PRICKLE2: variants seen among roughly 807,000 people sequenced by gnomAD.
PRICKLE2 encodes prickle planar cell polarity protein 2.
A neutral mutation model predicts 81.4 loss-of-function variants in PRICKLE2; 21 were observed. The ratio of observed to expected loss-of-function variants is 0.26; its 90% CI spans 0.18 to 0.37. PRICKLE2 has a LOEUF of 0.37. Among genes scored for constraint, PRICKLE2 ranks in the 10% least tolerant of loss-of-function variants. The probability of loss-of-function intolerance (pLI) is 1.00; values close to 1 mark genes in which losing one functional copy is unlikely to be tolerated. For synonymous variants in PRICKLE2, 456 were observed against 421.5 expected (o/e 1.08, Z -1.00); for missense variants, 940 against 1,109.0 (o/e 0.85, Z 2.16).
intron 2 of PRICKLE2, among the ~76,000 whole-genome samples, chr3:64,258,356 A>G (rs1353287467): frequency 6.6e-6 from 1 of 152,234 alleles, no homozygotes; most frequent in African/African-American, 2.4e-5. Context: ...ATTTTGATCT[A>G]TTTAACAATG....
intron 7 of PRICKLE2, among the ~76,000 whole-genome samples, chr3:64,141,454 T>C (rs1232131220): frequency 6.6e-6 from 1 of 152,246 alleles, no homozygotes; most frequent in Non-Finnish European, 1.5e-5. Context: ...AAACACTCAA[T>C]AATGTCAGTT....
intron 1 of PRICKLE2, among the ~76,000 whole-genome samples, chr3:64,216,963 A>C (rs1348791531): frequency 6.6e-6 from 1 of 152,194 alleles, no homozygotes; most frequent in Non-Finnish European, 1.5e-5. Flanking sequence ...TGATGAACTC[A>C]AAAGCAAGTA....
chr3:64,206,772 A>T (rs1257630565), intron 1 of PRICKLE2, among the ~76,000 whole-genome samples: 1 of 152,268 alleles, frequency 6.6e-6, no homozygotes, highest in Non-Finnish European at 1.5e-5. Flanking sequence ...AGGCAAGGCC[A>T]GAGGTGGGAA....
At chr3:64,249,251 G>A (rs956745184) in intron 2 of PRICKLE2, among the ~76,000 whole-genome samples, 4 of 149,212 alleles carry the variant, frequency 2.7e-5, no homozygotes, top group Admixed American at 2.0e-4. Flanking sequence ...GAAAGAAAGC[G>A]AAGGGGGAGC....
At chr3:64,210,323 C>CA (rs1421979836) in intron 1 of PRICKLE2, among the ~76,000 whole-genome samples, 3 of 152,150 alleles carry the variant, frequency 2.0e-5, no homozygotes, top group African/African-American at 7.2e-5. Flanking sequence ...GGCAAACACT[C>CA]AGTCTGAATG....
chr3:64,116,009 G>A (rs143185954), intron 7 of PRICKLE2, among the ~76,000 whole-genome samples: 8 of 152,090 alleles, frequency 5.3e-5, no homozygotes, highest in African/African-American at 1.9e-4. Context: ...TCAGACCACA[G>A]CACAATCAAA....
chr3:64,120,458 C>T (rs973036732), intron 7 of PRICKLE2, among the ~76,000 whole-genome samples: 10 of 152,222 alleles, frequency 6.6e-5, no homozygotes, highest in African/African-American at 2.4e-4. Flanking sequence ...TGCCCAAGGT[C>T]ATGGGTGAGG....
chr3:64,108,953 G>A (rs1023196247), intron 7 of PRICKLE2, among the ~76,000 whole-genome samples: 3 of 152,182 alleles, frequency 2.0e-5, no homozygotes, highest in East Asian at 1.9e-4. Context: ...CTCTGGTTGT[G>A]ACAGCCCCGA....
chr3:64,153,055 C>A (rs954104754), intron 6 of PRICKLE2, 127 bp downstream of exon 6: 2 of 936,598 alleles, frequency 2.1e-6, no homozygotes. Flanking sequence ...TCAAGAAATT[C>A]CCTTTTTCAG....
At chr3:64,265,473 GTGAC>G (rs1475099400) in intron 2 of PRICKLE2, among the ~76,000 whole-genome samples, 1 of 152,176 alleles carries the variant, frequency 6.6e-6, no homozygotes, top group Non-Finnish European at 1.5e-5. Flanking sequence ...AGTGCTTAAT[GTGAC>G]TGAGTACTTT....
At chr3:64,226,228 T>C (rs2079029851), upstream of PRICKLE2, among the ~76,000 whole-genome samples, 1 of 152,176 alleles carries the variant, frequency 6.6e-6, no homozygotes, top group Admixed American at 6.5e-5. Context: ...TCAGCAAGGA[T>C]GGGTCAGAAT....
intron 3 of PRICKLE2, among the ~76,000 whole-genome samples, 181 bp downstream of exon 3, chr3:64,162,835 T>C (rs539521123): frequency 6.6e-6 from 1 of 152,346 alleles, no homozygotes; most frequent in South Asian, 2.1e-4. Flanking sequence ...GCTTTTTTAG[T>C]AATACTCTCT....
At chr3:64,132,165 C>T (rs1266965910) in intron 7 of PRICKLE2, among the ~76,000 whole-genome samples, 1 of 152,232 alleles carries the variant, frequency 6.6e-6, no homozygotes, top group Non-Finnish European at 1.5e-5. Context: ...CTTGACCATC[C>T]TTTCAATGCA....
intron 2 of PRICKLE2, among the ~76,000 whole-genome samples, chr3:64,241,494 G>GTGCA: frequency 6.6e-6 from 1 of 152,310 alleles, no homozygotes; most frequent in Admixed American, 6.5e-5. Context: ...GTACTTATGT[G>GTGCA]TGCATGCATG....
At chr3:64,221,777 A>T (rs1350003894) in intron 1 of PRICKLE2, among the ~76,000 whole-genome samples, 1 of 152,192 alleles carries the variant, frequency 6.6e-6, no homozygotes. Context: ...TACAGACAGC[A>T]CAGAAGAAAT....
chr3:64,188,195 G>C (rs153722), intron 2 of PRICKLE2, among the ~76,000 whole-genome samples: 151,096 of 152,324 alleles, frequency 0.99, 74,955 homozygotes, highest in East Asian at 1. Context: ...TGTCTGCTTT[G>C]TCCTAGGATC....
At chr3:64,155,574 A>C (rs1440985691) in intron 5 of PRICKLE2, among the ~76,000 whole-genome samples, 1 of 152,242 alleles carries the variant, frequency 6.6e-6, no homozygotes, top group African/African-American at 2.4e-5. Context: ...ATGTACACAC[A>C]GAAATGTTCA....
intron 1 of PRICKLE2, among the ~76,000 whole-genome samples, chr3:64,203,885 C>G (rs746438792): frequency 1.3e-5 from 2 of 148,438 alleles, no homozygotes; most frequent in Non-Finnish European, 2.9e-5. Context: ...GGTGGAGGCA[C>G]GAGAACCGCT....
intron 2 of PRICKLE2, among the ~76,000 whole-genome samples, chr3:64,265,851 T>G (rs1029912386): frequency 3.3e-5 from 5 of 152,104 alleles, no homozygotes; most frequent in African/African-American, 1.2e-4. Context: ...AGCCAAGAGT[T>G]TTTCCTGTTG....
Sources: gnomAD v4.1 joint callset for allele counts (sites outside exome capture counted in the v4.1 genomes callset) on GRCh38, gnomAD v4.1.1 for gene constraint, MANE v1.5 for transcripts, NCBI Gene and HGNC (gene_info 2026-07-23, HGNC 2026-07-21) for gene names.